The following CHRNA7 variants were observed in gnomAD, a reference collection of about 807,000 sequenced individuals.
The protein encoded by CHRNA7 is neuronal acetylcholine receptor subunit alpha-7.
Under a neutral mutation model 48.0 loss-of-function variants are expected in CHRNA7, and 17 were observed. That is an observed-to-expected ratio of 0.35 (90% CI 0.24 to 0.53). The LOEUF (loss-of-function observed/expected upper bound fraction) is 0.53. CHRNA7 is among the 20% of genes least tolerant of loss of function. The pLI, the probability that CHRNA7 is intolerant of heterozygous loss-of-function variation, is 0.92. For missense variants in CHRNA7, 155 were observed against 577.7 expected (o/e 0.27, Z 7.50); for synonymous variants, 75 against 242.3 (o/e 0.31, Z 6.41).
intron 2 of CHRNA7, 90 bp downstream of exon 2, chr15:32,031,127 C>G: frequency 2.0e-6 from 3 of 1,526,230 alleles, no homozygotes; most frequent in Non-Finnish European, 2.7e-6. Flanking sequence ...GGCGGTGGAG[C>G]TCGGCTGGGG....
At chr15:32,114,021 T>TATATATATATATACATAC (rs1417583077) in intron 4 of CHRNA7, among the ~76,000 whole-genome samples, 2 of 26,922 alleles carry the variant, frequency 7.4e-5, no homozygotes, top group African/African-American at 1.9e-4. Context: ...TATCTCCAAA[T>TATATATATATATACATAC]ATATATATAT....
intron 2 of CHRNA7, 35 bp from the exon 3 acceptor site, chr15:32,101,268 T>C: frequency 1.9e-6 from 3 of 1,577,568 alleles, no homozygotes; most frequent in Non-Finnish European, 2.6e-6. Flanking sequence ...GTAAACCATA[T>C]TATTTATGCT....
At chr15:32,111,000 G>A (rs2050753677) in intron 3 of CHRNA7, among the ~76,000 whole-genome samples, 2 of 152,180 alleles carry the variant, frequency 1.3e-5, no homozygotes. Flanking sequence ...CTCCTGTGGG[G>A]TGGTGCTGGT....
At chr15:32,075,800 A>G (rs1595417913) in intron 2 of CHRNA7, among the ~76,000 whole-genome samples, 2 of 148,250 alleles carry the variant, frequency 1.3e-5, no homozygotes, top group Non-Finnish European at 3.0e-5. Context: ...TTATTTTTTG[A>G]GTCTTTTCCT....
rs2052367221 is a variant in CHRNA7 at position 32,170,156 on chromosome 15, A to AGTT, written c.*1698_*1699insGTT. ...GAGGGAAGATTTGATTTTCAGAGTT[A>AGTT]AATAAATTGTATGTGCTTTTCCAGC... On this transcript the variant is annotated 3_prime_UTR_variant, in exon 10 of 10. Coordinates refer to ENST00000306901, the MANE Select transcript of CHRNA7 (RefSeq NM_000746.6). 1.1e-5 allele frequency: 1 copy of AGTT among 89,192 alleles called. No individual in the cohort carries two copies. The highest frequency in any genetic ancestry group is 2.2e-5 in the Non-Finnish European group (1 of 46,218). 5.5% of individuals were successfully genotyped at this position (89,192 alleles called of 1,614,324 possible).
At chr15:32,118,732 C>G (rs943332916) in intron 4 of CHRNA7, among the ~76,000 whole-genome samples, 6 of 152,096 alleles carry the variant, frequency 3.9e-5, no homozygotes, top group Non-Finnish European at 2.9e-5. Context: ...GTGATCCAGC[C>G]AGACCCAAAC....
intron 2 of CHRNA7, 181 bp from the exon 3 acceptor site, chr15:32,101,122 A>T (rs1470984146): frequency 5.1e-6 from 3 of 583,830 alleles, no homozygotes; most frequent in Admixed American, 7.7e-5. Context: ...CTTACTTTGG[A>T]ATAAATAGAA....
intron 2 of CHRNA7, among the ~76,000 whole-genome samples, chr15:32,046,179 T>G (rs894354046): frequency 6.6e-6 from 1 of 152,030 alleles, no homozygotes; most frequent in African/African-American, 2.4e-5. Context: ...TTTGGGTATA[T>G]ACCCAGTAAT....
chr15:32,104,367 C>G (rs781383245), intron 3 of CHRNA7, among the ~76,000 whole-genome samples: 4 of 152,104 alleles, frequency 2.6e-5, no homozygotes, highest in Non-Finnish European at 5.9e-5. Context: ...TCACTGATCT[C>G]TTCCTAAAGG....
intron 2 of CHRNA7, among the ~76,000 whole-genome samples, chr15:32,072,139 G>A (rs181692141): frequency 6.6e-6 from 1 of 152,306 alleles, no homozygotes; most frequent in East Asian, 1.9e-4. Context: ...TATTAAAAAC[G>A]AGTAAGGGCA....
intron 4 of CHRNA7, among the ~76,000 whole-genome samples, chr15:32,140,632 T>G (rs551743537): frequency 6.6e-6 from 1 of 152,354 alleles, no homozygotes; most frequent in East Asian, 1.9e-4. Context: ...GTGAGAGAGA[T>G]GGTATCTCAT....
At chr15:32,119,343 A>G (rs8026798) in intron 4 of CHRNA7, among the ~76,000 whole-genome samples, 1 of 152,224 alleles carries the variant, frequency 6.6e-6, no homozygotes, top group African/African-American at 2.4e-5. Flanking sequence ...AGTCTTTGAC[A>G]CACGATCACT....
At chr15:32,139,571 T>C (rs1485444904) in intron 4 of CHRNA7, among the ~76,000 whole-genome samples, 1 of 142,992 alleles carries the variant, frequency 7.0e-6, no homozygotes, top group Non-Finnish European at 1.5e-5. Context: ...AGATGCGTAG[T>C]GGTGTCTCAG....
chr15:32,102,098 T>C (rs1378497819), intron 3 of CHRNA7: 1 of 144,916 alleles, frequency 6.9e-6, no homozygotes, highest in African/African-American at 2.6e-5. Context: ...TAATGTAATA[T>C]AATTTTATGT....
chr15:32,123,963 C>T (rs1418124833), intron 4 of CHRNA7, among the ~76,000 whole-genome samples: 2 of 91,180 alleles, frequency 2.2e-5, no homozygotes, highest in Non-Finnish European at 4.0e-5. Flanking sequence ...GAAAATCTGG[C>T]CAAAAAAAAA....
intron 2 of CHRNA7, among the ~76,000 whole-genome samples, chr15:32,033,464 TTG>T (rs1347792928): frequency 6.6e-6 from 1 of 152,214 alleles, no homozygotes; most frequent in Admixed American, 6.5e-5. Context: ...GACAAGTCCT[TTG>T]TCTTTCATCT....
chr15:32,066,959 C>T lies in CHRNA7; in HGVS notation c.196-34344C>T, dbSNP rs148851934. Among the ~76,000 whole-genome samples, 613 of 152,006 alleles carry T rather than the reference C, an allele frequency of 4.0e-3. 4 individuals carry two copies. The highest frequency in any genetic ancestry group is 0.013 in the African/African-American group (521 of 41,442). ...GTGGAAGAAAGAAGGAACTTAAAGA[C>T]GGATCAACTGAGTTTATCCCATCTG... On this transcript the variant is annotated intron_variant, in intron 2 of 9. Transcript: ENST00000306901.
chr15:32,061,653 T>C (rs2049880796), intron 2 of CHRNA7, among the ~76,000 whole-genome samples: 1 of 151,876 alleles, frequency 6.6e-6, no homozygotes. Flanking sequence ...ACTAAAAATA[T>C]AGAGATTAGC....
chr15:32,110,837 G>A (rs1267183073), intron 3 of CHRNA7, among the ~76,000 whole-genome samples: 2 of 152,214 alleles, frequency 1.3e-5, no homozygotes, highest in Admixed American at 1.3e-4. Flanking sequence ...ATTGTGAGGA[G>A]CCACCCTGGT....
Sources: gnomAD v4.1 joint callset for allele counts (sites outside exome capture counted in the v4.1 genomes callset) on GRCh38, gnomAD v4.1.1 for gene constraint, MANE v1.5 for transcripts, NCBI Gene and HGNC (gene_info 2026-07-23, HGNC 2026-07-21) for gene names.